Variants in RBM47 observed in about 807,000 individuals in gnomAD.
RBM47 encodes the protein RNA-binding protein 47.
Under a neutral mutation model 47.1 loss-of-function variants are expected in RBM47, and 21 were observed. The ratio of observed to expected loss-of-function variants is 0.45; its 90% confidence interval spans 0.32 to 0.64. The LOEUF (loss-of-function observed/expected upper bound fraction) is 0.64, where lower values mean the gene tolerates loss of function less well. Among genes scored for constraint, RBM47 ranks in the 30% least tolerant of loss-of-function variants. The pLI is 0.05. For missense variants in RBM47, 708 were observed against 870.9 expected, an observed-to-expected ratio of 0.81 and a Z score of 2.35; for synonymous variants, 375 against 361.7, an observed-to-expected ratio of 1.04 and a Z score of -0.42.
At chr4:40,616,787 G>C (rs1179895508) in intron 1 of RBM47, among the ~76,000 whole-genome samples, 1 of 151,410 alleles carries the variant, frequency 6.6e-6, no homozygotes, top group Non-Finnish European at 1.5e-5. Context: ...CATTTTTACA[G>C]TGTCAATATT....
rs1226654280 is a variant in RBM47 at position 40,537,674 on chromosome 4, C to T, written c.-155+6748G>A. Among the ~76,000 whole-genome samples, 3 of 152,166 alleles carry T rather than the reference C, an allele frequency of 2.0e-5. 1 individual carries two copies. The highest frequency in any genetic ancestry group is 2.0e-4 in the Admixed American group (3 of 15,264). On this transcript the variant is annotated intron_variant, in intron 2 of 6. Coordinates refer to ENST00000295971, the MANE Select transcript of RBM47 (RefSeq NM_001098634.2). ...TTAAACTCACTGCTCTTACACTCTA[C>T]CAAAAACCATTTTTCCAAATATCTG...
chr4:40,572,613 A>T (rs1245633551), intron 1 of RBM47, among the ~76,000 whole-genome samples: 1 of 151,816 alleles, frequency 6.6e-6, no homozygotes, highest in African/African-American at 2.4e-5. Flanking sequence ...TAATAATGAA[A>T]GTGGGCCGGC....
intron 6 of RBM47, among the ~76,000 whole-genome samples, chr4:40,429,755 C>G (rs1410586241): frequency 6.6e-6 from 1 of 150,496 alleles, no homozygotes; most frequent in Non-Finnish European, 1.5e-5. Flanking sequence ...TGCAGTCTTC[C>G]CTCCTGTCAA....
rs1553884152 is a variant in RBM47 at position 40,464,890 on chromosome 4, C to CGAA, written c.-32+1686_-32+1687insTTC. 2.1e-3 allele frequency among the ~76,000 whole-genome samples: 68 copies of CGAA among 32,096 alleles called. 1 individual carries two copies. Among genetic ancestry groups the CGAA allele is most frequent in the Non-Finnish European group, 2.7e-3 (53 of 19,496 alleles). The allele number at this position is 32,096 out of a possible 152,430, so 21.1% of individuals were successfully genotyped here. On this transcript the variant is annotated intron_variant, in intron 3 of 6. Coordinates refer to ENST00000295971, the MANE Select transcript of RBM47 (RefSeq NM_001098634.2). ...TGGGCGACAGAGCAAGACTCTGTCT[C>CGAA]AAAAAAAAAAAAAAAAAAAAAAAAA...
At chr4:40,531,075 G>A (rs1048047072) in intron 2 of RBM47, among the ~76,000 whole-genome samples, 29 of 152,080 alleles carry the variant, frequency 1.9e-4, no homozygotes, top group African/African-American at 6.5e-4. Flanking sequence ...CTCCAGCCTG[G>A]GTGACAGAGT....
intron 3 of RBM47, among the ~76,000 whole-genome samples, chr4:40,443,091 T>C (rs181149745): frequency 2.2e-4 from 33 of 152,326 alleles, no homozygotes; most frequent in Non-Finnish European, 4.1e-4. Context: ...ATTCCACTTA[T>C]ATAAGGTACC....
chr4:40,517,367 T>G (rs1725703327), intron 2 of RBM47, among the ~76,000 whole-genome samples: 1 of 151,958 alleles, frequency 6.6e-6, no homozygotes, highest in African/African-American at 2.4e-5. Context: ...GAATTCCTGA[T>G]CTCAAATGAT....
At chr4:40,598,880 G>A (rs1734995611) in intron 1 of RBM47, among the ~76,000 whole-genome samples, 1 of 149,090 alleles carries the variant, frequency 6.7e-6, no homozygotes, top group Admixed American at 6.7e-5. Context: ...TTGGGGAGGA[G>A]GAATCTGTCG....
At chr4:40,525,988 G>T (rs145075028) in intron 2 of RBM47, among the ~76,000 whole-genome samples, 3 of 152,198 alleles carry the variant, frequency 2.0e-5, no homozygotes, top group Non-Finnish European at 4.4e-5. Context: ...CTAGATCCCC[G>T]GAGTGCTCAA....
rs925550802 is a variant in RBM47, at chr4:40,509,837, T to C, written c.-155+34585A>G. Among the ~76,000 whole-genome samples the C allele has an allele frequency of 4.6e-5, 7 of 150,740 alleles. No individual in the cohort carries two copies. In the East Asian group the frequency reaches 1.2e-3, roughly 25 times the overall value. ...GGCGGAGCTTGCAGTGAGCGGAGAT[T>C]GCGCCACTGCACTCCAGCCTGGGCG... is the stretch of plus-strand genomic sequence containing the variant. On this transcript the variant is annotated intron_variant, in intron 2 of 6. Coordinates refer to ENST00000295971, the MANE Select transcript of RBM47 (RefSeq NM_001098634.2).
At chr4:40,459,882 G>A (rs532880581) in intron 3 of RBM47, among the ~76,000 whole-genome samples, 89 of 152,340 alleles carry the variant, frequency 5.8e-4, no homozygotes, top group African/African-American at 1.9e-3. Context: ...AGCCTCCCGG[G>A]TAGCTGGGAT....
chr4:40,453,030 G>C (rs10026606), intron 3 of RBM47, among the ~76,000 whole-genome samples: 12,161 of 151,714 alleles, frequency 0.08, 483 homozygotes, highest in African/African-American at 0.1. Context: ...TTTTAGAGAC[G>C]GGGTTTCACC....
chr4:40,576,952 T>G (rs1044125408), intron 1 of RBM47, among the ~76,000 whole-genome samples: 2 of 152,022 alleles, frequency 1.3e-5, no homozygotes, highest in African/African-American at 4.8e-5. Flanking sequence ...TGGAGCTGAG[T>G]GATTAGATTC....
At chr4:40,470,265 C>G (rs992550558) in intron 2 of RBM47, among the ~76,000 whole-genome samples, 63 of 152,150 alleles carry the variant, frequency 4.1e-4, no homozygotes, top group African/African-American at 1.4e-3. Context: ...ACATCACTCA[C>G]CCCATCATGG....
At chr4:40,607,862 T>G (rs2154278649) in intron 1 of RBM47, among the ~76,000 whole-genome samples, 1 of 152,312 alleles carries the variant, frequency 6.6e-6, no homozygotes, top group African/African-American at 2.4e-5. Context: ...CCTAGCACTT[T>G]GGGAGGTTGA....
intron 2 of RBM47, among the ~76,000 whole-genome samples, chr4:40,523,019 G>A (rs1358033849): frequency 1.4e-5 from 2 of 146,824 alleles, no homozygotes; most frequent in Non-Finnish European, 3.0e-5. Flanking sequence ...AGGCTGGGGT[G>A]CAGTGGTATG....
At chr4:40,524,133 C>T (rs115632603) in intron 2 of RBM47, among the ~76,000 whole-genome samples, 2,663 of 152,186 alleles carry the variant, frequency 0.017, 63 homozygotes, top group African/African-American at 0.051. Flanking sequence ...CGGCTATGTC[C>T]CTCCCACATG....
chr4:40,445,006 G>T (rs1002390676), intron 3 of RBM47, among the ~76,000 whole-genome samples: 2 of 151,768 alleles, frequency 1.3e-5, no homozygotes, highest in African/African-American at 2.4e-5. Flanking sequence ...CGGGCGCGGT[G>T]GCTCATGCCT....
Position 40,581,458 on chromosome 4 carries a change from A to AAATAAATAAAT in RBM47, c.-239-36953_-239-36952insATTTATTTATT, listed in dbSNP as rs1553904699. ...ATAATAAATAAATAAATAAATAAAT[A>AAATAAATAAAT]AATAAATAAAAGGAGAGGTCATTGG... On this transcript the variant is annotated intron_variant, in intron 1 of 6. Transcript: ENST00000295971. Among the ~76,000 whole-genome samples the AAATAAATAAAT allele has an allele frequency of 1.9e-3, 289 of 149,602 alleles. 1 individual carries two copies. The highest frequency in any genetic ancestry group is 7.1e-3 in the African/African-American group (283 of 39,918).
Sources: allele counts gnomAD v4.1 joint callset (sites outside exome capture counted in the v4.1 genomes callset), GRCh38; gene constraint gnomAD v4.1.1; transcripts MANE v1.5; gene names NCBI Gene and HGNC (gene_info 2026-07-23, HGNC 2026-07-21).